The following PIGN variants were observed in gnomAD, a reference collection of about 807,000 sequenced individuals.
The protein encoded by PIGN is GPI ethanolamine phosphate transferase 1.
In PIGN, 117 loss-of-function variants were observed where a neutral mutation model predicts 125.4. The ratio of observed to expected loss-of-function variants is 0.93; its 90% CI spans 0.80 to 1.09. PIGN has a LOEUF of 1.09. Ranked by LOEUF, PIGN falls within the 50% of genes least tolerant of loss-of-function variation. PIGN has a pLI of 0.00. For synonymous variants in PIGN, 392 were observed against 377.8 expected (o/e 1.04, Z -0.44); for missense variants, 1,075 against 1,094.9 (o/e 0.98, Z 0.26).
At chr18:62,030,438 T>C (rs2030180801) in intron 23 of PIGN, among the ~76,000 whole-genome samples, 1 of 152,222 alleles carries the variant, frequency 6.6e-6, no homozygotes, top group Non-Finnish European at 1.5e-5. Flanking sequence ...ACCGGGTTTA[T>C]CATAAACTTT....
intron 23 of PIGN, among the ~76,000 whole-genome samples, chr18:62,024,254 G>A (rs73964833): frequency 0.021 from 3,189 of 152,250 alleles, 115 homozygotes; most frequent in African/African-American, 0.073. Flanking sequence ...AGGTGGCAGA[G>A]AAAGATTGAG....
intron 28 of PIGN, among the ~76,000 whole-genome samples, chr18:62,079,415 G>C (rs1261202776): frequency 6.6e-6 from 1 of 152,200 alleles, no homozygotes; most frequent in Admixed American, 6.5e-5. Flanking sequence ...TGAATGAATA[G>C]TAGGAGAAAT....
intron 23 of PIGN, among the ~76,000 whole-genome samples, chr18:62,031,181 T>C (rs957622116): frequency 1.3e-5 from 2 of 152,170 alleles, no homozygotes; most frequent in African/African-American, 4.8e-5. Context: ...CTGATGGTTT[T>C]ATAAATGGCA....
downstream of PIGN, among the ~76,000 whole-genome samples, chr18:62,036,774 G>C (rs560932126): frequency 1.3e-5 from 2 of 152,106 alleles, no homozygotes; most frequent in Admixed American, 1.3e-4. Context: ...GATGCTAACT[G>C]GTATGTTAAC....
rs930634853 is a variant in PIGN, at chr18:62,169,623, CT to C, written c.-235-5968del. Among the ~76,000 whole-genome samples the C allele has an allele frequency of 6.7e-5, 10 of 149,030 alleles. 1 individual carries two copies. Among genetic ancestry groups the C allele is most frequent in the South Asian group, 6.4e-4 (3 of 4,712 alleles). The stretch of plus-strand genomic sequence containing the variant: ...GGTCAAATTGTAAATATATGTTTAA[CT>C]TTTTTTTTTCCCTTGAGACAAAGTC... On this transcript the variant is annotated intron_variant, in intron 1 of 30. Coordinates refer to ENST00000640252, the MANE Select transcript of PIGN (RefSeq NM_176787.5).
At chr18:62,067,590 T>C (rs1050451968) in intron 30 of PIGN, among the ~76,000 whole-genome samples, 1 of 152,238 alleles carries the variant, frequency 6.6e-6, no homozygotes, top group African/African-American at 2.4e-5. Flanking sequence ...TACTCTTACA[T>C]ATCTGGTTTC....
chr18:62,024,942 T>C (rs2030098486), intron 23 of PIGN, among the ~76,000 whole-genome samples: 1 of 152,172 alleles, frequency 6.6e-6, no homozygotes, highest in Admixed American at 6.5e-5. Context: ...AAAGAGGCCA[T>C]TGAAACATGA....
At chr18:62,092,747 C>T (rs1404262716) in intron 23 of PIGN, among the ~76,000 whole-genome samples, 4 of 151,982 alleles carry the variant, frequency 2.6e-5, no homozygotes, top group Non-Finnish European at 4.4e-5. Context: ...TCCCTTATTC[C>T]TACTTTCGAT....
intron 1 of PIGN, among the ~76,000 whole-genome samples, chr18:62,169,305 T>C (rs987667802): frequency 6.6e-6 from 1 of 152,232 alleles, no homozygotes; most frequent in African/African-American, 2.4e-5. Flanking sequence ...TATTGAGCAT[T>C]ATTCCATTGC....
At chr18:62,086,630 TTTTTA>T (rs2033721382) in intron 25 of PIGN, among the ~76,000 whole-genome samples, 1 of 151,754 alleles carries the variant, frequency 6.6e-6, no homozygotes, top group African/African-American at 2.4e-5. Context: ...TTTTTTTTTT[TTTTTA>T]AAAAGCCTGA....
At chr18:62,021,686 T>C (rs749273948) in intron 23 of PIGN, among the ~76,000 whole-genome samples, 2 of 152,208 alleles carry the variant, frequency 1.3e-5, no homozygotes, top group Non-Finnish European at 2.9e-5. Context: ...TTGGCTCTGG[T>C]TGTCAAGTGT....
At chr18:62,094,222 C>T (rs1277910766) in intron 23 of PIGN, among the ~76,000 whole-genome samples, 2 of 152,120 alleles carry the variant, frequency 1.3e-5, no homozygotes, top group African/African-American at 2.4e-5. Flanking sequence ...ATTATCCTTG[C>T]TTCTTTCTCT....
At position 62,161,261 on chromosome 18, in the gene PIGN, T is replaced by A. The variant is rs2036942488; in HGVS notation, c.93A>T (p.Gly31=). The A allele has an allele frequency of 1.9e-6, 3 of 1,613,710 alleles. No homozygotes were observed. The highest frequency in any genetic ancestry group is 2.5e-6 in the Non-Finnish European group (3 of 1,179,730). ...DIYFTSPLVH[G]MTPQFTPLPP... ...GCAATGGTGTAAACTGAGGAGTCAT[T>A]CCATGAACCAAAGGAGATGTAAAAT... The change falls in exon 4 of 31, where the codon GGA becomes GGT. Residue 31 remains glycine, a synonymous_variant. Coordinates refer to ENST00000640252, the MANE Select transcript of PIGN (RefSeq NM_176787.5).
chr18:62,177,645 C>T (rs2037572904), intron 1 of PIGN, among the ~76,000 whole-genome samples: 1 of 152,000 alleles, frequency 6.6e-6, no homozygotes, highest in Non-Finnish European at 1.5e-5. Flanking sequence ...TGCAGTAATT[C>T]TAGAAATCAG....
intron 30 of PIGN, among the ~76,000 whole-genome samples, chr18:62,071,150 C>A (rs188486701): frequency 3.0e-4 from 45 of 152,214 alleles, no homozygotes; most frequent in Admixed American, 6.5e-4. Flanking sequence ...TAAAAGGTTA[C>A]CATATTAAAG....
intron 14 of PIGN, among the ~76,000 whole-genome samples, chr18:62,126,706 G>T (rs1309050140): frequency 1.3e-5 from 2 of 152,018 alleles, no homozygotes; most frequent in African/African-American, 2.4e-5. Context: ...TAATACTAGG[G>T]TATGGATAAT....
Position 62,073,090 on chromosome 18 carries a change from G to A in PIGN, c.2620-365C>T, listed in dbSNP as rs935378362. On this transcript the variant is annotated intron_variant, in intron 29 of 30. Transcript: ENST00000640252. Reference sequence around the variant, plus strand: ...CTGTACTGACTACCTACTGTGTGCCGATCACTGTCTTAGGTGCTGGAGATA... The same window carrying A: ...CTGTACTGACTACCTACTGTGTGCCAATCACTGTCTTAGGTGCTGGAGATA... Among the ~76,000 whole-genome samples the A allele has an allele frequency of 2.6e-5, 4 of 151,896 alleles. No homozygotes were observed. The South Asian group carries it at 6.2e-4, about 24-fold the overall frequency.
Position 62,061,632 on chromosome 18 carries a change from A to T in PIGN, c.2672+11041T>A, listed in dbSNP as rs113319803. Among the ~76,000 whole-genome samples, 306 of 152,222 alleles carry T rather than the reference A, an allele frequency of 2.0e-3. 5 individuals carry two copies. The highest frequency in any genetic ancestry group is 7.1e-3 in the African/African-American group (297 of 41,546). On this transcript the variant is annotated intron_variant, in intron 30 of 30. Transcript: ENST00000640252. Reference sequence around the variant, plus strand: ...AATCGCTAATTATACTATTAACACAAAGGAGTTTAGGAATAAAATTCGTCA... The same window carrying T: ...AATCGCTAATTATACTATTAACACATAGGAGTTTAGGAATAAAATTCGTCA...
chr18:62,114,538 G>A lies in PIGN; in HGVS notation c.1251+23C>T, dbSNP rs961751965. 61 of 1,364,916 alleles carry A rather than the reference G, an allele frequency of 4.5e-5. No individual in the cohort carries two copies. The East Asian group carries it at 1.5e-3, about 33-fold the overall frequency. The allele number at this position is 1,364,916 out of a possible 1,614,324, so 84.6% of individuals were successfully genotyped here. A position where few individuals can be genotyped will look rare whatever the true frequency, so the allele number is the denominator to read the frequency against. ...CCCAAAATGATAATCAGCTATTTAT[G>A]TCTATAAGGCCGGTATACTTACCAC... On this transcript the variant is annotated intron_variant, in intron 15 of 30. Coordinates refer to ENST00000640252, the MANE Select transcript of PIGN (RefSeq NM_176787.5).
Sources: allele counts gnomAD v4.1 joint callset (sites outside exome capture counted in the v4.1 genomes callset), GRCh38; gene constraint gnomAD v4.1.1; transcripts MANE v1.5; gene names NCBI Gene and HGNC (gene_info 2026-07-23, HGNC 2026-07-21).